Variants in MAP4K4 observed in about 807,000 individuals in gnomAD.
MAP4K4 encodes HPK/GCK-like kinase HGK.
Under a neutral mutation model 189.6 loss-of-function variants are expected in MAP4K4, and 38 were observed. The observed-to-expected ratio is 0.20, with a 90% confidence interval of 0.15 to 0.26. The LOEUF (loss-of-function observed/expected upper bound fraction) is 0.26, where lower values mean the gene tolerates loss of function less well. MAP4K4 is among the 10% of genes least tolerant of loss of function. MAP4K4 has a pLI of 1.00. For missense variants in MAP4K4, 1,054 were observed against 1,726.9 expected, an observed-to-expected ratio of 0.61 and a Z score of 6.91; for synonymous variants, 610 against 624.3, an observed-to-expected ratio of 0.98 and a Z score of 0.34.
intron 11 of MAP4K4, among the ~76,000 whole-genome samples, 177 bp downstream of exon 11, chr2:101,842,858 G>A (rs2096962605): frequency 6.6e-6 from 1 of 152,104 alleles, no homozygotes; most frequent in East Asian, 1.9e-4. Context: ...TTTCTTCCCT[G>A]GATCCTCTTA....
At chr2:101,840,040 A>G in intron 10 of MAP4K4, 46 bp downstream of exon 10, 2 of 1,539,436 alleles carry the variant, frequency 1.3e-6, no homozygotes, top group Non-Finnish European at 1.7e-6. Context: ...TTTTATGTTT[A>G]GTTTCTTGCC....
chr2:101,830,167 A>G (rs754299504), intron 6 of MAP4K4, among the ~76,000 whole-genome samples: 1 of 151,500 alleles, frequency 6.6e-6, no homozygotes, highest in African/African-American at 2.4e-5. Flanking sequence ...TGTTTCTTTC[A>G]TAGTATTGTT....
chr2:101,703,198 G>A (rs892991646), intron 2 of MAP4K4, among the ~76,000 whole-genome samples: 5 of 152,078 alleles, frequency 3.3e-5, no homozygotes, highest in Non-Finnish European at 5.9e-5. Context: ...AGGCCGAGGC[G>A]GGATAGTGGC....
At chr2:101,797,487 G>A (rs2148913624) in intron 3 of MAP4K4, 1 of 955,042 alleles carries the variant, frequency 1.0e-6, no homozygotes, top group East Asian at 6.4e-5. Context: ...GCTACTGAGA[G>A]AAAAACTAAT....
chr2:101,751,721 T>C (rs1052050716), intron 2 of MAP4K4, among the ~76,000 whole-genome samples: 3 of 152,064 alleles, frequency 2.0e-5, no homozygotes, highest in African/African-American at 7.3e-5. Context: ...CTAAACTGGC[T>C]TTCATTTAAA....
chr2:101,806,944 G>GCCTGGCTGGC (rs1484774769), intron 3 of MAP4K4, among the ~76,000 whole-genome samples: 1 of 152,186 alleles, frequency 6.6e-6, no homozygotes, highest in East Asian at 1.9e-4. Flanking sequence ...ATCTCCCTGG[G>GCCTGGCTGGC]CCTGGCTGGC....
intron 2 of MAP4K4, among the ~76,000 whole-genome samples, chr2:101,719,390 T>G (rs2050361583): frequency 6.6e-6 from 1 of 152,192 alleles, no homozygotes; most frequent in Non-Finnish European, 1.5e-5. Flanking sequence ...CTGGGTGAGG[T>G]GGCTCACAGA....
At chr2:101,767,784 T>C (rs1239473343) in intron 2 of MAP4K4, among the ~76,000 whole-genome samples, 1 of 152,204 alleles carries the variant, frequency 6.6e-6, no homozygotes, top group East Asian at 1.9e-4. Context: ...TCATAGCCTT[T>C]AATTAGGCAG....
intron 2 of MAP4K4, among the ~76,000 whole-genome samples, chr2:101,755,929 CTTTTTTTTTT>C (rs57392183): frequency 9.9e-4 from 57 of 57,796 alleles, no homozygotes; most frequent in African/African-American, 3.4e-3. Context: ...AGTTCTTTTT[CTTTTTTTTTT>C]TTTTTTTTTT....
chr2:101,729,097 A>AGTGTGTGTGTGT (rs1224495620), intron 2 of MAP4K4, among the ~76,000 whole-genome samples: 2 of 64,876 alleles, frequency 3.1e-5, no homozygotes, highest in East Asian at 6.5e-4. Context: ...AGAGAGAGAG[A>AGTGTGTGTGTGT]GAGAGTGTGT....
intron 2 of MAP4K4, among the ~76,000 whole-genome samples, chr2:101,721,248 A>G (rs753184530): frequency 6.6e-6 from 1 of 152,210 alleles, no homozygotes; most frequent in Non-Finnish European, 1.5e-5. Context: ...AGACTTGAGA[A>G]TTCAAAATCC....
chr2:101,741,136 A>G (rs1178466441), intron 2 of MAP4K4, among the ~76,000 whole-genome samples: 3 of 150,674 alleles, frequency 2.0e-5, no homozygotes, highest in Non-Finnish European at 4.4e-5. Context: ...CTTTTGCTGT[A>G]CATGGGGAAG....
chr2:101,862,507 T>G (rs1434037281), intron 16 of MAP4K4, among the ~76,000 whole-genome samples: 1 of 152,162 alleles, frequency 6.6e-6, no homozygotes, highest in African/African-American at 2.4e-5. Flanking sequence ...GCTTGAAGAT[T>G]AAAAGTTTTC....
At chr2:101,882,783 A>G (rs757026053) in intron 28 of MAP4K4, 98 bp downstream of exon 28, 17 of 1,232,640 alleles carry the variant, frequency 1.4e-5, no homozygotes, top group Non-Finnish European at 1.9e-5. Context: ...GTTTGTAATA[A>G]TAAACTTGTT....
At chr2:101,822,609 G>A (rs1008717120) in intron 3 of MAP4K4, among the ~76,000 whole-genome samples, 4 of 152,050 alleles carry the variant, frequency 2.6e-5, no homozygotes, top group African/African-American at 9.7e-5. Flanking sequence ...TATAATATTT[G>A]CAAATCAAAC....
At chr2:101,800,037 A>G (rs926239510) in intron 3 of MAP4K4, among the ~76,000 whole-genome samples, 3 of 151,984 alleles carry the variant, frequency 2.0e-5, no homozygotes, top group Non-Finnish European at 4.4e-5. Flanking sequence ...AGCACCCTTC[A>G]TTCACGTGGG....
chr2:101,706,532 G>C (rs2042385576), intron 2 of MAP4K4, among the ~76,000 whole-genome samples: 1 of 152,114 alleles, frequency 6.6e-6, no homozygotes, highest in African/African-American at 2.4e-5. Flanking sequence ...TTCCTCCTCA[G>C]ATACCCTAAA....
intron 2 of MAP4K4, among the ~76,000 whole-genome samples, chr2:101,775,126 C>G (rs1026687931): frequency 1.3e-5 from 2 of 148,190 alleles, no homozygotes; most frequent in Non-Finnish European, 1.5e-5. Context: ...CCGGATCAAT[C>G]TTAACCTTCA....
chr2:101,737,459 ATATTTTT>A (rs1350692289), intron 2 of MAP4K4, among the ~76,000 whole-genome samples: 2 of 31,624 alleles, frequency 6.3e-5, no homozygotes, highest in Non-Finnish European at 9.8e-5. Context: ...ATATATATAT[ATATTTTT>A]TTTTTTTTTT....
Sources: allele counts gnomAD v4.1 joint callset (sites outside exome capture counted in the v4.1 genomes callset), GRCh38; gene constraint gnomAD v4.1.1; transcripts MANE v1.5; gene names NCBI Gene and HGNC (gene_info 2026-07-23, HGNC 2026-07-21).